The following TLN1 variants were observed in gnomAD, a reference collection of about 807,000 sequenced individuals.
TLN1 encodes the protein talin-1.
A neutral mutation model predicts 292.3 loss-of-function variants in TLN1; 56 were observed. The ratio of observed to expected loss-of-function variants is 0.19; its 90% CI spans 0.15 to 0.24. The LOEUF (loss-of-function observed/expected upper bound fraction) is 0.24, where lower values mean the gene tolerates loss of function less well. Ranked by LOEUF, TLN1 falls within the 10% of genes least tolerant of loss-of-function variation. The pLI is 1.00. For synonymous variants in TLN1, 1,119 were observed against 1,253.7 expected (o/e 0.89, Z 2.27); for missense variants, 2,433 against 3,248.2 (o/e 0.75, Z 6.10).
intron 33 of TLN1, 91 bp from the exon 34 acceptor site, chr9:35,708,575 G>A: frequency 7.7e-7 from 1 of 1,303,894 alleles, no homozygotes. Context: ...GCAGAGGTAA[G>A]TTTAGAGAAT....
At position 35,707,336 on chromosome 9, in the gene TLN1, A is replaced by G. The variant is rs371410622; in HGVS notation, c.4773+12T>C. 1 of 1,613,002 alleles carries G rather than the reference A, an allele frequency of 6.2e-7. No homozygotes were observed. Among genetic ancestry groups the G allele is most frequent in the African/African-American group, 1.3e-5 (1 of 74,876 alleles). ...AAGCTGGCCCATCAGTTCCCCCTTC[A>G]CATCGCCTCACCTCAGGGCTGATCT... On this transcript the variant is annotated intron_variant, in intron 36 of 56. Transcript: ENST00000314888. The surrounding 1 kb of genome is among the most constrained non-coding windows in gnomAD (Gnocchi z 5.6).
rs761745911 is a variant in TLN1 at position 35,708,440 on chromosome 9, T to C, written c.4371A>G (p.Gly1457=). 1.9e-6 allele frequency: 3 copies of C among 1,605,234 alleles called. No homozygotes were observed. In the Admixed American group the frequency reaches 5.1e-5, roughly 27 times the overall value. Residue 1457 remains glycine (G), a synonymous_variant, in exon 34 of 57, where the codon GGA becomes GGG. Transcript: ENST00000314888. The part of the protein sequence containing the change: ...VGVSDPNSQA[G]QQGLVEPTQF... ...GTGTGGGCTCCACTAGCCCTTGCTGTCCAGCTTGGCTATTGGGGTCAGAGA... is the reference window on the plus strand; with the variant it reads ...GTGTGGGCTCCACTAGCCCTTGCTGCCCAGCTTGGCTATTGGGGTCAGAGA...
Position 35,722,105 on chromosome 9 carries a change from G to T in TLN1, c.948+14C>A. On this transcript the variant is annotated intron_variant, in intron 9 of 56. Transcript: ENST00000314888. ...GGGAAACAAGGAGGGCAGTGAAAAG[G>T]GCCCATAACCTACCTTCACCAGGAA... The T allele has an allele frequency of 6.2e-7, 1 of 1,609,556 alleles. No homozygotes were observed. Among genetic ancestry groups the T allele is most frequent in the South Asian group, 1.1e-5 (1 of 91,008 alleles).
intron 1 of TLN1, among the ~76,000 whole-genome samples, chr9:35,731,787 T>C (rs1826085201): frequency 6.6e-6 from 1 of 152,096 alleles, no homozygotes; most frequent in Non-Finnish European, 1.5e-5. Context: ...CCTACCCACA[T>C]GCCCGCTATC....
chr9:35,708,015 G>C, intron 34 of TLN1, 123 bp from the exon 35 acceptor site: 1 of 1,170,680 alleles, frequency 8.5e-7, no homozygotes, highest in African/African-American at 1.5e-5. Flanking sequence ...AGGAATAACA[G>C]AGTCACCTGA....
rs1587984135 is a variant in TLN1 at position 35,714,522 on chromosome 9, G to A, written c.2985+52C>T. 3.8e-6 allele frequency: 6 copies of A among 1,594,354 alleles called. No homozygotes were observed. Among genetic ancestry groups the A allele is most frequent in the Non-Finnish European group, 5.1e-6 (6 of 1,174,628 alleles). On this transcript the variant is annotated intron_variant, in intron 23 of 56. Coordinates refer to ENST00000314888, the MANE Select transcript of TLN1 (RefSeq NM_006289.4). The surrounding 1 kb of genome is among the most constrained non-coding windows in gnomAD (Gnocchi z 4.6). ...GAGATTCAAACTGTGGGAGATGGAA[G>A]CTTAGAAAGGTGGGAAGGTCAGGTC...
At chr9:35,708,951 A>G (rs1278432612) in intron 33 of TLN1, among the ~76,000 whole-genome samples, 1 of 152,256 alleles carries the variant, frequency 6.6e-6, no homozygotes, top group Non-Finnish European at 1.5e-5. Context: ...CATGCGTCAG[A>G]TATTTGGAAA....
chr9:35,725,780 C>G (rs1175982764), intron 1 of TLN1, 53 bp from the exon 2 acceptor site: 4 of 1,508,698 alleles, frequency 2.7e-6, no homozygotes. Flanking sequence ...GGAGAAGAGG[C>G]CCCCCAGATG....
chr9:35,716,561 G>A lies in TLN1; in HGVS notation c.2459-5C>T, dbSNP rs77061410. On this transcript the variant is annotated splice_region_variant and splice_polypyrimidine_tract_variant and intron_variant, in intron 19 of 56. Transcript: ENST00000314888. ...GGGCCTGTCGCACCATCTCCCCTGA[G>A]AGCATAGGGCACAGTCAGGCGAGGA... 916 of 1,613,684 alleles carry A rather than the reference G, an allele frequency of 5.7e-4. 6 individuals carry two copies. In the African/African-American group the frequency reaches 9.9e-3, roughly 17 times the overall value.
chr9:35,715,250 C>T (rs1825757114), intron 20 of TLN1, 63 bp from the exon 21 acceptor site: 1 of 1,582,428 alleles, frequency 6.3e-7, no homozygotes, highest in African/African-American at 1.3e-5. Context: ...AGAAGCTCCT[C>T]TCTCACTCCT....
intron 17 of TLN1, among the ~76,000 whole-genome samples, chr9:35,718,094 AG>A (rs1261489236): frequency 6.6e-6 from 1 of 152,194 alleles, no homozygotes; most frequent in Non-Finnish European, 1.5e-5. Context: ...GAGAGGAGGT[AG>A]GAGGTATCTC....
rs749106140 is a variant in TLN1, at chr9:35,700,048, C to T, written c.6694G>A (p.Val2232Met). The T allele has an allele frequency of 3.1e-6, 5 of 1,613,364 alleles. No individual in the cohort carries two copies. The highest frequency in any genetic ancestry group is 3.4e-6 in the Non-Finnish European group (4 of 1,179,478). ...CCATAGTGCAGGGCTCGAAGCCGCA[C>T]ATCAGGGGCCACTTCTGGGTGGTAA... Reference protein sequence around the residue: ...AAYHPEVAPDVRLRALHYGRE... With the variant: ...AAYHPEVAPDMRLRALHYGRE... The change falls in exon 50 of 57, where the codon GTG (valine) becomes ATG (methionine). Residue 2232 changes from valine to methionine, a missense_variant. By Grantham distance (21) the Val-to-Met change is conservative (BLOSUM62 1). Around this residue, in one of 7 missense-constraint regions of TLN1, gnomAD observed 1,384 missense variants for 1,699.6 expected, o/e 0.81. Coordinates refer to ENST00000314888, the MANE Select transcript of TLN1 (RefSeq NM_006289.4).
Position 35,724,799 on chromosome 9 carries a change from C to T in TLN1, c.358+31G>A. 6.2e-7 allele frequency: 1 copy of T among 1,613,704 alleles called. No homozygotes were observed. Among genetic ancestry groups the T allele is most frequent in the Non-Finnish European group, 8.5e-7 (1 of 1,179,722 alleles). On this transcript the variant is annotated intron_variant, in intron 4 of 56. Transcript: ENST00000314888. This position sits in a 1 kb window ranked among gnomAD's most constrained non-coding sequence, Gnocchi z 4.7. ...TTTGAGAGAGTTGAGGCTTTCTGGC[C>T]CAGGCTTTCAACTGTACTAGGGCCC... is the stretch of plus-strand genomic sequence containing the variant.
chr9:35,731,296 C>T (rs1299152759), intron 1 of TLN1, among the ~76,000 whole-genome samples: 1 of 152,114 alleles, frequency 6.6e-6, no homozygotes, highest in African/African-American at 2.4e-5. Context: ...TAACATTAAC[C>T]CCACCTCTAA....
At position 35,698,723 on chromosome 9, in the gene TLN1, C is replaced by A; in HGVS notation, c.7126-44G>T. 2 of 1,614,132 alleles carry A rather than the reference C, an allele frequency of 1.2e-6. No individual in the cohort carries two copies. Among genetic ancestry groups the A allele is most frequent in the Non-Finnish European group, 1.7e-6 (2 of 1,180,028 alleles). ...CCTACTTAGACCTGCATTTTCCTCA[C>A]TTCAAAGACTCGCTGGCTATGGATG... On this transcript the variant is annotated intron_variant, in intron 53 of 56. Transcript: ENST00000314888. This position sits in a 1 kb window ranked among gnomAD's most constrained non-coding sequence, Gnocchi z 5.3.
Position 35,698,437 on chromosome 9 carries a change from G to A in TLN1, c.7257C>T (p.Ala2419=). ...CTGATGAGATGAGCTTCTCCTGGCT[G>A]GCATGGCCTTGTACAGCTGCATTGG... ...EAANAAVQGH[A]SQEKLISSAK... Residue 2419 remains alanine (A), a synonymous_variant, in exon 55 of 57, where the codon GCC becomes GCT. Coordinates refer to ENST00000314888, the MANE Select transcript of TLN1 (RefSeq NM_006289.4). This position sits in a 1 kb window ranked among gnomAD's most constrained non-coding sequence, Gnocchi z 5.3. 6.2e-7 allele frequency: 1 copy of A among 1,614,140 alleles called. No individual in the cohort carries two copies. Among genetic ancestry groups the A allele is most frequent in the East Asian group, 2.2e-5 (1 of 44,868 alleles).
chr9:35,711,649 T>C lies in TLN1; in HGVS notation c.3825A>G (p.Gly1275=). 6.2e-7 allele frequency: 1 copy of C among 1,614,054 alleles called. No homozygotes were observed. The highest frequency in any genetic ancestry group is 8.5e-7 in the Non-Finnish European group (1 of 1,180,002). ...CTTCCAGGAAGGTGCTGAAGTCCTG[T>C]CCAAATCGGCCTGAGGCTCGAGCCA... The part of the protein sequence containing the change: ...QDLARASGRF[G]QDFSTFLEAG... The change falls in exon 29 of 57, where the codon GGA becomes GGG. Residue 1275 remains glycine, a synonymous_variant. Coordinates refer to ENST00000314888, the MANE Select transcript of TLN1 (RefSeq NM_006289.4).
At chr9:35,700,828 T>C (rs35656035) in intron 48 of TLN1, among the ~76,000 whole-genome samples, 32,743 of 152,218 alleles carry the variant, frequency 0.22, 4,311 homozygotes, top group East Asian at 0.32. Flanking sequence ...AGTCATAAAA[T>C]ATTTTGATGT....
At chr9:35,702,940 A>G (rs1325703884) in intron 48 of TLN1, among the ~76,000 whole-genome samples, 1 of 152,222 alleles carries the variant, frequency 6.6e-6, no homozygotes, top group Non-Finnish European at 1.5e-5. Flanking sequence ...GACTGGAGAA[A>G]GTGGGAGGGT....
Sources: allele counts gnomAD v4.1 joint callset (sites outside exome capture counted in the v4.1 genomes callset), GRCh38; gene constraint gnomAD v4.1.1; regional missense constraint gnomAD v4.1.1; non-coding constraint Gnocchi (gnomAD v3.1); transcripts MANE v1.5; gene names NCBI Gene and HGNC (gene_info 2026-07-23, HGNC 2026-07-21).